Variants in PPP2CB observed in about 807,000 individuals in gnomAD.
The protein encoded by PPP2CB is serine/threonine-protein phosphatase 2A catalytic subunit beta isoform.
In PPP2CB, 18 loss-of-function variants were observed where a neutral mutation model predicts 39.1. The ratio of observed to expected loss-of-function variants is 0.46; its 90% confidence interval spans 0.32 to 0.68. The LOEUF is 0.68. Among genes scored for constraint, PPP2CB ranks in the 30% least tolerant of loss-of-function variants. The pLI is 0.04. For missense variants in PPP2CB, 226 were observed against 396.9 expected (o/e 0.57, Z 3.66); for synonymous variants, 129 against 133.8 (o/e 0.96, Z 0.25).
At chr8:30,788,606 C>G (rs1233960259) in intron 6 of PPP2CB, among the ~76,000 whole-genome samples, 2 of 152,192 alleles carry the variant, frequency 1.3e-5, no homozygotes, top group Admixed American at 1.3e-4. Context: ...TTTTAAGAAT[C>G]TAATCTTCTT....
chr8:30,788,023 A>T (rs1389723198), intron 6 of PPP2CB, among the ~76,000 whole-genome samples: 1 of 152,142 alleles, frequency 6.6e-6, no homozygotes, highest in African/African-American at 2.4e-5. Flanking sequence ...TATTTCAGTA[A>T]GGTCTCTAGT....
At chr8:30,789,553 A>C (rs564056933) in intron 6 of PPP2CB, among the ~76,000 whole-genome samples, 15 of 152,294 alleles carry the variant, frequency 9.8e-5, no homozygotes, top group African/African-American at 3.4e-4. Context: ...TAATAGTTGG[A>C]TCTTCATACT....
intron 6 of PPP2CB, among the ~76,000 whole-genome samples, chr8:30,788,669 A>G (rs1175513678): frequency 1.3e-5 from 2 of 152,198 alleles, no homozygotes; most frequent in Non-Finnish European, 2.9e-5. Flanking sequence ...TTTCATGTTT[A>G]CTTGAGAGGA....
chr8:30,809,508 G>A (rs1806787561), intron 1 of PPP2CB, among the ~76,000 whole-genome samples: 1 of 152,072 alleles, frequency 6.6e-6, no homozygotes, highest in South Asian at 2.1e-4. Context: ...AACTAAGCAC[G>A]GCTCAAAAAG....
chr8:30,792,767 T>C (rs1806459965), intron 5 of PPP2CB, among the ~76,000 whole-genome samples: 1 of 152,106 alleles, frequency 6.6e-6, no homozygotes, highest in Admixed American at 6.6e-5. Flanking sequence ...ATCATTTATG[T>C]TTTAGGTACA....
intron 5 of PPP2CB, chr8:30,791,682 T>G (rs1806431471): frequency 6.1e-6 from 1 of 163,032 alleles, no homozygotes; most frequent in Non-Finnish European, 1.3e-5. Context: ...AAATACAAAT[T>G]TAGAATACTT....
chr8:30,792,022 A>G (rs1806445847), intron 5 of PPP2CB, among the ~76,000 whole-genome samples: 1 of 151,946 alleles, frequency 6.6e-6, no homozygotes, highest in Non-Finnish European at 1.5e-5. Context: ...ACATGTGTGT[A>G]TATATGTATA....
At chr8:30,794,463 C>A in intron 3 of PPP2CB, 182 bp from the exon 4 acceptor site, 1 of 512,838 alleles carries the variant, frequency 1.9e-6, no homozygotes, top group Non-Finnish European at 3.3e-6. Context: ...GGGGACCCAC[C>A]ATTAAATTTC....
chr8:30,798,585 T>C (rs1382061461), intron 2 of PPP2CB, among the ~76,000 whole-genome samples: 9 of 152,296 alleles, frequency 5.9e-5, no homozygotes, highest in South Asian at 2.1e-4. Flanking sequence ...CCACCTAGGT[T>C]TGTGTAAGTT....
rs750953323 is a variant in PPP2CB at position 30,786,315 on chromosome 8, T to C, written c.858-8A>G. 3 of 1,567,222 alleles carry C rather than the reference T, an allele frequency of 1.9e-6. No homozygotes were observed. Among genetic ancestry groups the C allele is most frequent in the Admixed American group, 3.8e-5 (2 of 52,236 alleles). On this transcript the variant is annotated splice_polypyrimidine_tract_variant and splice_region_variant and intron_variant, in intron 6 of 6. Transcript: ENST00000221138. Reference sequence around the variant, plus strand: ...GCTGGGTCAAATTGAAGGCTGTAAATGGCAAAAAAGGAAGCAAATAAAGGA... The same window carrying C: ...GCTGGGTCAAATTGAAGGCTGTAAACGGCAAAAAAGGAAGCAAATAAAGGA...
intron 1 of PPP2CB, among the ~76,000 whole-genome samples, chr8:30,804,652 C>CTAGT (rs2128762349): frequency 6.6e-6 from 1 of 152,250 alleles, no homozygotes; most frequent in Admixed American, 6.5e-5. Context: ...ACCCACTGAA[C>CTAGT]TAGTATATTG....
At chr8:30,812,166 C>A (rs1317076531) in intron 1 of PPP2CB, among the ~76,000 whole-genome samples, 154 bp downstream of exon 1, 1 of 151,950 alleles carries the variant, frequency 6.6e-6, no homozygotes, top group East Asian at 1.9e-4. Flanking sequence ...AACCGATGGG[C>A]CGGCCGCCTA....
rs527724932 is a variant in PPP2CB at position 30,800,976 on chromosome 8, G to C, written c.103-1221C>G. ...AATTCCAGCACTTTGGGAGGCCGAG[G>C]GGGGAGGATAGCTTGAATCCAGGAG... On this transcript the variant is annotated intron_variant, in intron 1 of 6. Transcript: ENST00000221138. Among the ~76,000 whole-genome samples the C allele has an allele frequency of 8.5e-5, 13 of 152,150 alleles. No individual in the cohort carries two copies. The East Asian group carries it at 9.7e-4, about 11-fold the overall frequency.
intron 1 of PPP2CB, among the ~76,000 whole-genome samples, chr8:30,804,989 G>C (rs558015528): frequency 6.6e-5 from 10 of 151,906 alleles, no homozygotes; most frequent in Non-Finnish European, 8.8e-5. Flanking sequence ...CATTAATCGT[G>C]TCCCCTCTTC....
At chr8:30,798,566 T>C (rs988819936) in intron 2 of PPP2CB, among the ~76,000 whole-genome samples, 1 of 152,206 alleles carries the variant, frequency 6.6e-6, no homozygotes, top group Admixed American at 6.5e-5. Flanking sequence ...TTGTGTGCAG[T>C]AGGCTATACC....
Position 30,812,386 on chromosome 8 carries a change from C to T in PPP2CB, c.36G>A (p.Gln12=), listed in dbSNP as rs756499763. 1.9e-6 allele frequency: 3 copies of T among 1,556,728 alleles called. No individual in the cohort carries two copies. The highest frequency in any genetic ancestry group is 2.6e-6 in the Non-Finnish European group (3 of 1,148,146). Residue 12 remains glutamine, a synonymous_variant, in exon 1 of 7, where the codon CAG becomes CAA. Coordinates refer to ENST00000221138, the MANE Select transcript of PPP2CB (RefSeq NM_001009552.2). ...TACACTCGTTCAGCTGCTCGACCCACTGGTCCAGCTCCTTGGTGAACGCCT... is the reference window on the plus strand; with the variant it reads ...TACACTCGTTCAGCTGCTCGACCCATTGGTCCAGCTCCTTGGTGAACGCCT... ...DDKAFTKELD[Q]WVEQLNECKQ...
chr8:30,805,063 T>C (rs567834940), intron 1 of PPP2CB, among the ~76,000 whole-genome samples: 145 of 152,282 alleles, frequency 9.5e-4, no homozygotes, highest in Non-Finnish European at 1.8e-3. Context: ...ATCTGTTGAA[T>C]GTACGGGATA....
Position 30,785,717 on chromosome 8 carries a change from A to T in PPP2CB, c.*518T>A. The T allele has an allele frequency of 4.0e-6, 1 of 249,886 alleles. No homozygotes were observed. The highest frequency in any genetic ancestry group is 8.0e-6 in the Non-Finnish European group (1 of 125,504). 15.5% of individuals were successfully genotyped at this position (249,886 alleles called of 1,614,324 possible). On this transcript the variant is annotated 3_prime_UTR_variant, in exon 7 of 7. Coordinates refer to ENST00000221138, the MANE Select transcript of PPP2CB (RefSeq NM_001009552.2). ...AATATGCAGATCAACATAAAACAGT[A>T]ATTTAGTTTAAATGAAGGGAAATCT...
In PPP2CB at chr8:30,812,407, C is replaced by T; in HGVS notation, c.15G>A (p.Ala5=). Residue 5 remains alanine, a synonymous_variant, in exon 1 of 7, where the codon GCG becomes GCA. Coordinates refer to ENST00000221138, the MANE Select transcript of PPP2CB (RefSeq NM_001009552.2). MDDK[A]FTKELDQWVE... ...CCCACTGGTCCAGCTCCTTGGTGAACGCCTTGTCGTCCATGGCGGCCCGAT... is the reference window on the plus strand; with the variant it reads ...CCCACTGGTCCAGCTCCTTGGTGAATGCCTTGTCGTCCATGGCGGCCCGAT... 1 of 1,535,748 alleles carries T rather than the reference C, an allele frequency of 6.5e-7. No homozygotes were observed. The highest frequency in any genetic ancestry group is 8.8e-7 in the Non-Finnish European group (1 of 1,136,832).
Sources: allele counts gnomAD v4.1 joint callset (sites outside exome capture counted in the v4.1 genomes callset), GRCh38; gene constraint gnomAD v4.1.1; transcripts MANE v1.5; gene names NCBI Gene and HGNC (gene_info 2026-07-23, HGNC 2026-07-21).